Variants in SACS observed in about 807,000 individuals in gnomAD.
SACS encodes the protein sacsin.
Under a neutral mutation model 348.0 loss-of-function variants are expected in SACS, and 197 were observed. The ratio of observed to expected loss-of-function variants is 0.57; its 90% CI spans 0.50 to 0.64. The LOEUF (loss-of-function observed/expected upper bound fraction) is 0.64, where lower values mean the gene tolerates loss of function less well. SACS is among the 30% of genes least tolerant of loss of function. The pLI is 0.00. For missense variants in SACS, 4,999 were observed against 5,360.8 expected (o/e 0.93, Z 2.11); for synonymous variants, 1,985 against 1,910.6 (o/e 1.04, Z -1.02).
chr13:23,390,491 C>G (rs1414059699), intron 2 of SACS, among the ~76,000 whole-genome samples: 1 of 152,042 alleles, frequency 6.6e-6, no homozygotes, highest in African/African-American at 2.4e-5. Flanking sequence ...AAAACCTCGT[C>G]TCTACAAAAA....
chr13:23,367,339 G>A (rs1871119140), intron 5 of SACS, among the ~76,000 whole-genome samples: 2 of 152,128 alleles, frequency 1.3e-5, no homozygotes, highest in Non-Finnish European at 2.9e-5. Flanking sequence ...GTGCCTACCT[G>A]AGCATGACTC....
Position 23,354,563 on chromosome 13 carries a change from T to C in SACS, c.2049A>G (p.Val683=). The C allele has an allele frequency of 6.2e-7, 1 of 1,614,170 alleles. No homozygotes were observed. The highest frequency in any genetic ancestry group is 1.1e-5 in the South Asian group (1 of 91,072). Residue 683 remains valine, a synonymous_variant, in exon 8 of 10, where the codon GTA becomes GTG. Coordinates refer to ENST00000382292, the MANE Select transcript of SACS (RefSeq NM_014363.6). The part of the protein sequence containing the change: ...NGNFVPFSSS[V]SDQDVIYITS... The stretch of plus-strand genomic sequence containing the variant: ...TAATATAAATGACATCTTGGTCTGA[T>C]ACAGATGAGGAGAAGGGGACAAAAT...
At chr13:23,433,163 T>C (rs991648688) in intron 1 of SACS, among the ~76,000 whole-genome samples, 8 of 152,166 alleles carry the variant, frequency 5.3e-5, no homozygotes, top group Non-Finnish European at 1.2e-4. Flanking sequence ...GTAAGCTACT[T>C]TGAGAATCCC....
intron 1 of SACS, among the ~76,000 whole-genome samples, chr13:23,430,413 T>C (rs1321044279): frequency 6.6e-6 from 1 of 152,196 alleles, no homozygotes; most frequent in African/African-American, 2.4e-5. Context: ...AATATAAACA[T>C]ATACACCTTA....
Position 23,339,602 on chromosome 13 carries a change from TCCTCATGCA to T in SACS, c.4265_4273del (p.Val1422_Glu1424del). On this transcript the variant is annotated inframe_deletion, in exon 10 of 10. Coordinates refer to ENST00000382292, the MANE Select transcript of SACS (RefSeq NM_014363.6). The stretch of plus-strand genomic sequence containing the variant: ...CCATTCTGCAGTTTTCATGGGTATG[TCCTCATGCA>T]CCAAAATGATTGGTTCCACAGAATC... 1 of 1,612,358 alleles carries T rather than the reference TCCTCATGCA, an allele frequency of 6.2e-7. No individual in the cohort carries two copies. Among genetic ancestry groups the T allele is most frequent in the Non-Finnish European group, 8.5e-7 (1 of 1,178,626 alleles).
chr13:23,370,551 A>G (rs1871323944), intron 4 of SACS, among the ~76,000 whole-genome samples: 1 of 152,200 alleles, frequency 6.6e-6, no homozygotes. Context: ...TACTGTATAG[A>G]AGATCTCCAG....
At position 23,337,610 on chromosome 13, in the gene SACS, G is replaced by A. The variant is rs370095300; in HGVS notation, c.6266C>T (p.Ser2089Leu). The A allele has an allele frequency of 1.7e-4, 273 of 1,613,636 alleles. No individual in the cohort carries two copies. Among genetic ancestry groups the A allele is most frequent in the Non-Finnish European group, 2.2e-4 (257 of 1,179,934 alleles). The change falls in exon 10 of 10, where the codon TCG becomes TTG. Residue 2089 changes from serine to leucine, a missense_variant. Ser to Leu is a moderately radical substitution (Grantham distance 145). Around this residue, in one of 6 missense-constraint regions of SACS, gnomAD observed 3,156 missense variants for 3,380.1 expected, o/e 0.93. Transcript: ENST00000382292. ...FVLNEKVDEF[S>L]GVLRVTPCIP... ...ACATGGAGTAACACGAAGAACTCCC[G>A]AGAACTCATCAACTTTTTCATTTAG...
chr13:23,400,068 T>C (rs1423450209), intron 2 of SACS, among the ~76,000 whole-genome samples: 2 of 152,118 alleles, frequency 1.3e-5, no homozygotes, highest in African/African-American at 2.4e-5. Flanking sequence ...TCTTTCCTCT[T>C]TCTTTAACTC....
Position 23,333,593 on chromosome 13 carries a change from G to T in SACS, c.10283C>A (p.Thr3428Lys). The change falls in exon 10 of 10, where the codon ACA becomes AAA. Residue 3428 changes from threonine (T) to lysine (K), a missense_variant. Thr to Lys is a moderately conservative substitution (Grantham distance 78). Coordinates refer to ENST00000382292, the MANE Select transcript of SACS (RefSeq NM_014363.6). ...GATACTTTTTGTAAGTACGTAGCAT[G>T]TTCCAAATTTTCCAATGCTTACATA... is the stretch of plus-strand genomic sequence containing the variant. ...GRYVSIGKFG[T>K]CYVLTKSIPS... 6.2e-7 allele frequency: 1 copy of T among 1,613,692 alleles called. No homozygotes were observed.
At position 23,338,388 on chromosome 13, in the gene SACS, G is replaced by A. The variant is rs1868863069; in HGVS notation, c.5488C>T (p.Leu1830=). 6.2e-7 allele frequency: 1 copy of A among 1,614,068 alleles called. No homozygotes were observed. Among genetic ancestry groups the A allele is most frequent in the East Asian group, 2.2e-5 (1 of 44,880 alleles). ...CCACTCTCACTCAGGGAAAACTTCA[G>A]AGCCTCTCCTGTGTCCATGCAAGTA... ...LCTCMDTGEA[L]KFSLSESGRR... is the part of the protein sequence containing the mutation. The change falls in exon 10 of 10, where the codon CTG becomes TTG. Residue 1830 remains leucine, a synonymous_variant. Transcript: ENST00000382292.
chr13:23,421,754 C>A (rs539681855), intron 1 of SACS, among the ~76,000 whole-genome samples: 5 of 151,754 alleles, frequency 3.3e-5, no homozygotes, highest in African/African-American at 1.2e-4. Flanking sequence ...GGATGTTGCC[C>A]TGGGGTCAGG....
intron 1 of SACS, among the ~76,000 whole-genome samples, chr13:23,422,576 C>T (rs530849915): frequency 6.4e-4 from 97 of 152,098 alleles, no homozygotes; most frequent in Non-Finnish European, 1.1e-3. Context: ...ATTCCAGAGG[C>T]TATTAGGTCT....
intron 9 of SACS, among the ~76,000 whole-genome samples, chr13:23,350,771 C>A (rs1317682898): frequency 2.6e-5 from 4 of 152,176 alleles, no homozygotes; most frequent in Non-Finnish European, 1.5e-5. Flanking sequence ...AAACATAATA[C>A]TCCGCCTTTC....
At chr13:23,431,022 C>T (rs1445783284) in intron 1 of SACS, among the ~76,000 whole-genome samples, 4 of 152,144 alleles carry the variant, frequency 2.6e-5, no homozygotes, top group Admixed American at 6.5e-5. Flanking sequence ...GTCAGTCTCT[C>T]CTTTTACTAA....
rs767126708 is a variant in SACS at position 23,333,957 on chromosome 13, T to C, written c.9919A>G (p.Met3307Val). 11 of 1,613,754 alleles carry C rather than the reference T, an allele frequency of 6.8e-6. No homozygotes were observed. Among genetic ancestry groups the C allele is most frequent in the African/African-American group, 1.3e-5 (1 of 74,904 alleles). Residue 3307 changes from methionine (M) to valine (V), a missense_variant, in exon 10 of 10, where the codon ATG (methionine) becomes GTG (valine). By Grantham distance (21) the Met-to-Val change is conservative (BLOSUM62 1). Around this residue, in one of 6 missense-constraint regions of SACS, gnomAD observed 734 missense variants for 694.0 expected, o/e 1.06. Transcript: ENST00000382292. ...GCATTTGGAAAAACTGCAATGTGCA[T>C]AAGGCTGAGAGGAAGCAGAACATCT... ...EGDVLLPLSLMHIAVFPNAQS... is the reference protein window; with the variant it reads ...EGDVLLPLSLVHIAVFPNAQS...
At chr13:23,405,692 T>G (rs1160686637) in intron 2 of SACS, among the ~76,000 whole-genome samples, 3 of 149,580 alleles carry the variant, frequency 2.0e-5, no homozygotes, top group African/African-American at 7.4e-5. Context: ...TAAACAAATC[T>G]ACAAGGAAAA....
rs765650165 is a variant in SACS at position 23,402,900 on chromosome 13, G to A, written c.20+8320C>T. On this transcript the variant is annotated intron_variant, in intron 2 of 9. Coordinates refer to ENST00000382292, the MANE Select transcript of SACS (RefSeq NM_014363.6). The stretch of plus-strand genomic sequence containing the variant: ...TGCTTTCAAAAGTTTAATCAGGGCC[G>A]GGCATGGTGGCTCACGCCTATAATC... 7.9e-5 allele frequency among the ~76,000 whole-genome samples: 12 copies of A among 152,270 alleles called. No individual in the cohort carries two copies. The South Asian group carries it at 8.3e-4, about 11-fold the overall frequency.
Position 23,421,498 on chromosome 13 carries a change from C to T in SACS, c.-501-9758G>A, listed in dbSNP as rs373616032. On this transcript the variant is annotated intron_variant, in intron 1 of 9. Coordinates refer to ENST00000382292, the MANE Select transcript of SACS (RefSeq NM_014363.6). ...GTATTTACCTGGGGTCTGATATGCA[C>T]CCAGGCCTGTTGCCTACATAGTGTC... 7.7e-4 allele frequency among the ~76,000 whole-genome samples: 117 copies of T among 152,174 alleles called. 1 individual carries two copies. In the South Asian group the frequency reaches 0.023, roughly 30 times the overall value.
intron 2 of SACS, chr13:23,375,601 G>A: frequency 3.0e-6 from 3 of 1,003,850 alleles, no homozygotes; most frequent in Non-Finnish European, 3.6e-6. Context: ...CGCCGCCCGC[G>A]GGGACACGCC....
Sources: gnomAD v4.1 joint callset for allele counts (sites outside exome capture counted in the v4.1 genomes callset) on GRCh38, gnomAD v4.1.1 for gene constraint, gnomAD v4.1.1 regional missense constraint, MANE v1.5 for transcripts, NCBI Gene and HGNC (gene_info 2026-07-23, HGNC 2026-07-21) for gene names.